HDAC11: variants seen among roughly 807,000 people sequenced by gnomAD.
HDAC11 encodes histone deacetylase 11.
In HDAC11, 23 loss-of-function variants were observed where a neutral mutation model predicts 41.1. The observed-to-expected ratio is 0.56, with a 90% CI of 0.40 to 0.79. The LOEUF is 0.79. Among genes scored for constraint, HDAC11 ranks in the 30% least tolerant of loss-of-function variants. The pLI is 0.00. For synonymous variants in HDAC11, 187 were observed against 186.6 expected, an observed-to-expected ratio of 1.00 and a Z score of -0.02; for missense variants, 402 against 477.3, an observed-to-expected ratio of 0.84 and a Z score of 1.47.
At chr3:13,486,491 A>T (rs530289169) in intron 3 of HDAC11, among the ~76,000 whole-genome samples, 1 of 147,984 alleles carries the variant, frequency 6.8e-6, no homozygotes, top group Non-Finnish European at 1.5e-5. Flanking sequence ...GGGTAATTGG[A>T]TGGTCAGGGA....
intron 3 of HDAC11, 22 bp downstream of exon 3, chr3:13,483,586 G>A (rs745950221): frequency 1.3e-6 from 2 of 1,590,684 alleles, no homozygotes; most frequent in Non-Finnish European, 8.6e-7. Context: ...CGGGCCTGGG[G>A]GGCTGCGGGC....
chr3:13,504,781 C>T lies in HDAC11; in HGVS notation c.*98C>T. 9.5e-7 allele frequency: 1 copy of T among 1,049,244 alleles called. No individual in the cohort carries two copies. Among genetic ancestry groups the T allele is most frequent in the African/African-American group, 1.6e-5 (1 of 63,884 alleles). The allele number at this position is 1,049,244 out of a possible 1,614,324, so 65.0% of individuals were successfully genotyped here. On this transcript the variant is annotated 3_prime_UTR_variant, in exon 10 of 10. Coordinates refer to ENST00000295757, the MANE Select transcript of HDAC11 (RefSeq NM_024827.4). ...GGTGGTGGAGGCAGCCTTCAGTGAG[C>T]ATGGAGGGGCAGGGCCATCCCTGGC...
intron 3 of HDAC11, among the ~76,000 whole-genome samples, chr3:13,493,047 C>A (rs187093924): frequency 6.6e-6 from 1 of 152,354 alleles, no homozygotes; most frequent in African/African-American, 2.4e-5. Context: ...TAGCCTCACC[C>A]ACAGTGCCCT....
intron 3 of HDAC11, among the ~76,000 whole-genome samples, chr3:13,486,585 TTTTTTTTTTTG>T (rs1559371778): frequency 1.3e-5 from 2 of 148,216 alleles, no homozygotes; most frequent in East Asian, 4.0e-4. Flanking sequence ...TTTTTTTTTT[TTTTTTTTTTTG>T]GAGAAGGAAT....
chr3:13,501,796 C>A, intron 6 of HDAC11, 75 bp from the exon 7 acceptor site: 2 of 1,403,378 alleles, frequency 1.4e-6, no homozygotes, highest in Non-Finnish European at 2.0e-6. Flanking sequence ...CCCTCGCCAG[C>A]CAGCTGGGAG....
In HDAC11 at chr3:13,480,552, A is replaced by C; in HGVS notation, c.2+203A>C. 1 of 312,630 alleles carries C rather than the reference A, an allele frequency of 3.2e-6. No homozygotes were observed. 19.4% of individuals were successfully genotyped at this position (312,630 alleles called of 1,614,324 possible). A position where few individuals can be genotyped will look rare whatever the true frequency, so the allele number is the denominator to read the frequency against. On this transcript the variant is annotated intron_variant, in intron 1 of 9. Coordinates refer to ENST00000295757, the MANE Select transcript of HDAC11 (RefSeq NM_024827.4). The surrounding 1 kb of genome is among the most constrained non-coding windows in gnomAD (Gnocchi z 4.6). ...CCCCGCGCCCCTGCTCGGTGGCCCG[A>C]GGGACGCGCGCCGGCCGCGGGCCTG...
chr3:13,488,630 A>G (rs893989280), intron 3 of HDAC11, among the ~76,000 whole-genome samples: 1 of 152,256 alleles, frequency 6.6e-6, no homozygotes, highest in African/African-American at 2.4e-5. Flanking sequence ...GCAGAATGAT[A>G]TTCCATTGTA....
intron 5 of HDAC11, among the ~76,000 whole-genome samples, chr3:13,500,000 G>A (rs1258490930): frequency 6.6e-6 from 1 of 152,144 alleles, no homozygotes; most frequent in Non-Finnish European, 1.5e-5. Flanking sequence ...TCGGGCTGGA[G>A]GGAGTCTTCA....
chr3:13,486,169 A>G (rs914000619), intron 3 of HDAC11, among the ~76,000 whole-genome samples: 10 of 147,216 alleles, frequency 6.8e-5, no homozygotes, highest in Non-Finnish European at 1.3e-4. Context: ...TGGGAGGCTG[A>G]GGCAGGAAAA....
intron 2 of HDAC11, 45 bp from the exon 3 acceptor site, chr3:13,483,419 C>A: frequency 6.5e-7 from 1 of 1,548,038 alleles, no homozygotes; most frequent in Non-Finnish European, 8.9e-7. Flanking sequence ...CTGGCCCTGG[C>A]CTTGAGGTCA....
intron 2 of HDAC11, among the ~76,000 whole-genome samples, chr3:13,481,769 G>A (rs1249679634): frequency 6.6e-6 from 1 of 152,134 alleles, no homozygotes; most frequent in Non-Finnish European, 1.5e-5. Context: ...TACAGATGGG[G>A]GAAATTGTGT....
intron 3 of HDAC11, among the ~76,000 whole-genome samples, chr3:13,483,822 A>G (rs993147589): frequency 2.0e-5 from 3 of 152,190 alleles, no homozygotes; most frequent in Admixed American, 6.5e-5. Context: ...GAAAGCCTTC[A>G]TAGAATTTTA....
intron 3 of HDAC11, among the ~76,000 whole-genome samples, chr3:13,492,352 G>A (rs1701904578): frequency 6.6e-6 from 1 of 152,216 alleles, no homozygotes; most frequent in Admixed American, 6.5e-5. Flanking sequence ...TGCATGGCCA[G>A]CACCTACTGT....
chr3:13,502,022 G>A lies in HDAC11; in HGVS notation c.552+89G>A. The A allele has an allele frequency of 9.6e-7, 1 of 1,046,348 alleles. No homozygotes were observed. The highest frequency in any genetic ancestry group is 1.5e-6 in the Non-Finnish European group (1 of 677,808). 64.8% of individuals were successfully genotyped at this position (1,046,348 alleles called of 1,614,324 possible). ...GGGGCAGGAGAGTCTCCCTCCTCAT[G>A]TCCCCACGGCTCTCACGGCTTCTGT... On this transcript the variant is annotated intron_variant, in intron 7 of 9. Transcript: ENST00000295757. This position sits in a 1 kb window ranked among gnomAD's most constrained non-coding sequence, Gnocchi z 4.1.
chr3:13,489,960 A>G (rs747824758), intron 3 of HDAC11, among the ~76,000 whole-genome samples: 1 of 150,896 alleles, frequency 6.6e-6, no homozygotes, highest in Non-Finnish European at 1.5e-5. Flanking sequence ...TTTGGAGCAA[A>G]TTTTGAAATT....
At position 13,485,763 on chromosome 3, in the gene HDAC11, TGACA is replaced by T. The variant is rs1326971750; in HGVS notation, c.252+2202_252+2205del. Among the ~76,000 whole-genome samples, 692 of 152,190 alleles carry T rather than the reference TGACA, an allele frequency of 4.5e-3. 5 individuals carry two copies. Among genetic ancestry groups the T allele is most frequent in the African/African-American group, 0.016 (658 of 41,508 alleles). On this transcript the variant is annotated intron_variant, in intron 3 of 9. Transcript: ENST00000295757. Reference sequence around the variant, plus strand: ...TTGCACCACTGCACTCCAGCTGGTATGACAGAGTGAGACTGTCTCTTAAAAAAAA... The same window carrying T: ...TTGCACCACTGCACTCCAGCTGGTATGAGTGAGACTGTCTCTTAAAAAAAA...
Position 13,480,719 on chromosome 3 carries a change from G to T in HDAC11, c.2+370G>T. The T allele has an allele frequency of 2.1e-6, 1 of 485,750 alleles. No individual in the cohort carries two copies. The highest frequency in any genetic ancestry group is 4.2e-6 in the Non-Finnish European group (1 of 238,628). The allele number at this position is 485,750 out of a possible 1,614,324, so 30.1% of individuals were successfully genotyped here. A position where few individuals can be genotyped will look rare whatever the true frequency, so the allele number is the denominator to read the frequency against. ...GGTGACGACTGCCAGGGTGTGATGG[G>T]AAGGGTTAGCAGCGCAGCGGGGTCA... On this transcript the variant is annotated intron_variant, in intron 1 of 9. Coordinates refer to ENST00000295757, the MANE Select transcript of HDAC11 (RefSeq NM_024827.4). This position sits in a 1 kb window ranked among gnomAD's most constrained non-coding sequence, Gnocchi z 4.6.
chr3:13,498,663 C>T (rs1702220509), intron 5 of HDAC11, 108 bp downstream of exon 5: 1 of 1,239,880 alleles, frequency 8.1e-7, no homozygotes, highest in Non-Finnish European at 1.2e-6. Flanking sequence ...GCTGTGAATT[C>T]AGAAGCTCTG....
chr3:13,485,435 A>G (rs759356706), intron 3 of HDAC11, among the ~76,000 whole-genome samples: 9 of 152,266 alleles, frequency 5.9e-5, no homozygotes, highest in South Asian at 2.1e-4. Context: ...AGGGGAAGGA[A>G]GGGACAGGAG....
Sources: gnomAD v4.1 joint callset for allele counts (sites outside exome capture counted in the v4.1 genomes callset) on GRCh38, gnomAD v4.1.1 for gene constraint, Gnocchi (gnomAD v3.1) non-coding constraint, MANE v1.5 for transcripts, NCBI Gene and HGNC (gene_info 2026-07-23, HGNC 2026-07-21) for gene names.